PDE4DIP: variants seen among roughly 807,000 people sequenced by gnomAD.
The protein encoded by PDE4DIP is myomegalin.
In PDE4DIP, 59 loss-of-function variants were observed where a neutral mutation model predicts 221.4. The observed-to-expected ratio is 0.27, with a 90% CI of 0.22 to 0.33. PDE4DIP has a LOEUF of 0.33. Among genes scored for constraint, PDE4DIP ranks in the 10% least tolerant of loss-of-function variants. The pLI, the probability that PDE4DIP is intolerant of heterozygous loss-of-function variation, is 1.00. For missense variants in PDE4DIP, 1,036 were observed against 2,154.2 expected, an observed-to-expected ratio of 0.48 and a Z score of 10.28; for synonymous variants, 404 against 815.9, an observed-to-expected ratio of 0.50 and a Z score of 8.60.
chr1:149,005,392 T>C (rs1270575174), exon 27 of PDE4DIP: 1 of 1,611,768 alleles, frequency 6.2e-7, no homozygotes, highest in East Asian at 2.2e-5. Context: ...AAAAATGGAC[T>C]AGAAGAGAAG....
At chr1:148,820,716 G>GA (rs1296532782) in intron 1 of PDE4DIP, among the ~76,000 whole-genome samples, 1 of 98,240 alleles carries the variant, frequency 1.0e-5, no homozygotes, top group Admixed American at 1.0e-4. Context: ...TTTTTTTTTG[G>GA]GGGGGGGGTG....
exon 41 of PDE4DIP, chr1:149,028,686 G>A (rs1553632787): frequency 6.3e-7 from 1 of 1,594,978 alleles, no homozygotes; most frequent in Non-Finnish European, 8.5e-7. Context: ...CCACATCCCT[G>A]TGCTGCCTGG....
At chr1:148,951,523 C>T (rs1340501296) in intron 5 of PDE4DIP, among the ~76,000 whole-genome samples, 1 of 152,272 alleles carries the variant, frequency 6.6e-6, no homozygotes, top group Admixed American at 6.5e-5. Context: ...TTCCCAGACA[C>T]TCCAGCTCTT....
chr1:148,977,735 ACAT>A (rs1352723184), intron 17 of PDE4DIP, among the ~76,000 whole-genome samples, 199 bp from the exon 21 acceptor site: 1 of 152,248 alleles, frequency 6.6e-6, no homozygotes, highest in East Asian at 1.9e-4. Flanking sequence ...AAAGTAGAAG[ACAT>A]CATTAAGAAC....
rs587718893 is a variant in PDE4DIP at position 148,992,348 on chromosome 1, A to G, written c.2904+375A>G. On this transcript the variant is annotated intron_variant, in intron 22 of 43. Transcript: ENST00000369354. ...AACGCACCACAGAAGACAGGGAGTC[A>G]TCGAAGGGCTGCTCGGGGAGGTGGC... The G allele has an allele frequency of 6.4e-6, 10 of 1,561,152 alleles. No individual in the cohort carries two copies. In the South Asian group the frequency reaches 1.2e-4, roughly 19 times the overall value.
At chr1:149,012,509 A>G in intron 31 of PDE4DIP, 82 bp from the exon 35 acceptor site, 1 of 673,408 alleles carries the variant, frequency 1.5e-6, no homozygotes, top group Non-Finnish European at 2.5e-6. Context: ...GAATGCTTTT[A>G]CCTTCTCAAT....
chr1:149,028,962 A>G (rs1553633236), intron 41 of PDE4DIP, among the ~76,000 whole-genome samples: 1 of 152,210 alleles, frequency 6.6e-6, no homozygotes, highest in Non-Finnish European at 1.5e-5. Context: ...AGGGGTGTGA[A>G]GAAGGCGGAG....
intron 29 of PDE4DIP, 135 bp from the exon 33 acceptor site, chr1:149,009,433 C>T (rs797032674): frequency 3.2e-6 from 2 of 628,832 alleles, no homozygotes; most frequent in East Asian, 2.7e-5. Context: ...CATCCCTAAG[C>T]AGAGGTGGGT....
At chr1:149,032,607 C>T (rs1338642374) in exon 44 of PDE4DIP, 1 of 240,712 alleles carries the variant, frequency 4.2e-6, no homozygotes, top group Non-Finnish European at 8.2e-6. Context: ...TCCCAGATAC[C>T]ATCTCAGGCT....
chr1:149,022,139 G>A (rs1438267783), intron 37 of PDE4DIP, among the ~76,000 whole-genome samples: 2 of 147,190 alleles, frequency 1.4e-5, no homozygotes, highest in Admixed American at 6.8e-5. Context: ...GTAAGGTGTA[G>A]GACAAAGGTT....
At chr1:148,998,936 C>T (rs143693441) in intron 23 of PDE4DIP, among the ~76,000 whole-genome samples, 33 of 125,690 alleles carry the variant, frequency 2.6e-4, no homozygotes, top group Non-Finnish European at 5.1e-4. Flanking sequence ...TTAGTAGAGA[C>T]GGGGTTTCAC....
intron 9 of PDE4DIP, among the ~76,000 whole-genome samples, chr1:148,964,202 C>T (rs189723095): frequency 0.044 from 6,641 of 151,348 alleles, 210 homozygotes; most frequent in Non-Finnish European, 0.069. Context: ...CTCCACCTCC[C>T]GGGTTCAAGC....
intron 5 of PDE4DIP, among the ~76,000 whole-genome samples, chr1:148,954,271 G>C (rs1574204731): frequency 6.6e-6 from 1 of 150,550 alleles, no homozygotes; most frequent in East Asian, 1.9e-4. Flanking sequence ...TTTAAAATTT[G>C]TTCTTGTTTT....
chr1:148,987,498 G>A (rs1420768234), intron 21 of PDE4DIP, among the ~76,000 whole-genome samples: 6 of 152,208 alleles, frequency 3.9e-5, no homozygotes, highest in African/African-American at 1.4e-4. Context: ...GGGAGTCAGA[G>A]TGAAATTGGG....
At chr1:148,978,486 G>A (rs587740754) in intron 19 of PDE4DIP, 71 bp downstream of exon 22, 4 of 1,003,914 alleles carry the variant, frequency 4.0e-6, no homozygotes, top group East Asian at 2.7e-5. Flanking sequence ...TTTTTTAGTA[G>A]AGATGGAGTT....
At chr1:148,978,467 CTTTTT>C in intron 19 of PDE4DIP, 52 bp downstream of exon 22, 1 of 963,744 alleles carries the variant, frequency 1.0e-6, no homozygotes, top group Non-Finnish European at 1.5e-6. Context: ...TTTTTGTATT[CTTTTT>C]TTTTTTTTTA....
At chr1:148,962,325 T>C (rs587715507) in intron 8 of PDE4DIP, 37 bp downstream of exon 11, 39 of 1,520,352 alleles carry the variant, frequency 2.6e-5, no homozygotes, top group African/African-American at 4.1e-5. Flanking sequence ...GAGACTTCAG[T>C]TGGGGATGTG....
exon 27 of PDE4DIP, chr1:149,005,109 G>T: frequency 6.2e-7 from 1 of 1,613,974 alleles, no homozygotes. Flanking sequence ...AGATCTGAAG[G>T]CCCAGCTGCA....
chr1:148,924,818 G>A (rs1302540583), intron 1 of PDE4DIP, among the ~76,000 whole-genome samples: 2 of 151,486 alleles, frequency 1.3e-5, no homozygotes, highest in African/African-American at 2.4e-5. Flanking sequence ...CAGTTAATTT[G>A]GAATCTACTG....
Sources: allele counts gnomAD v4.1 joint callset (sites outside exome capture counted in the v4.1 genomes callset), GRCh38; gene constraint gnomAD v4.1.1; transcripts MANE v1.5; gene names NCBI Gene and HGNC (gene_info 2026-07-23, HGNC 2026-07-21).